The following WWOX variants were observed in gnomAD, a reference collection of about 807,000 sequenced individuals.
The protein encoded by WWOX is WW domain-containing oxidoreductase.
A neutral mutation model predicts 46.2 loss-of-function variants in WWOX; 69 were observed. That is an observed-to-expected ratio of 1.49 (90% CI 1.23 to 1.82). The LOEUF is 1.82. WWOX is among the 40% of genes most tolerant of loss of function. WWOX has a pLI of 0.00. For missense variants in WWOX, 919 were observed against 542.6 expected (o/e 1.69, Z -6.89); for synonymous variants, 359 against 202.6 (o/e 1.77, Z -6.56).
chr16:78,139,881 G>A (rs1052388130), intron 4 of WWOX, among the ~76,000 whole-genome samples: 1 of 152,154 alleles, frequency 6.6e-6, no homozygotes, highest in Non-Finnish European at 1.5e-5. Context: ...CTCAACTCCA[G>A]GCACTTTAGG....
At position 78,115,106 on chromosome 16, in the gene WWOX, G is replaced by T. The variant is rs2032711752; in HGVS notation, c.361G>T (p.Asp121Tyr). 1 of 1,614,172 alleles carries T rather than the reference G, an allele frequency of 6.2e-7. No individual in the cohort carries two copies. Among genetic ancestry groups the T allele is most frequent in the South Asian group, 1.1e-5 (1 of 91,084 alleles). Residue 121 changes from aspartate to tyrosine, a missense_variant, in exon 4 of 9, where the codon GAT becomes TAT. Transcript: ENST00000566780. ...TGCCATGGAAATTCTCCAGGGCCGG[G>T]ATTTCACTGGCAAAGTGGTTGTGGT... Reference protein sequence around the residue: ...TTAMEILQGRDFTGKVVVVTG... With the variant: ...TTAMEILQGRYFTGKVVVVTG...
chr16:79,152,661 C>T (rs2050303872), intron 8 of WWOX, among the ~76,000 whole-genome samples: 1 of 146,184 alleles, frequency 6.8e-6, no homozygotes, highest in African/African-American at 2.6e-5. Context: ...CAGAGTGAGT[C>T]TCCATCTCAA....
In WWOX at chr16:79,212,089, G is replaced by A. The variant is rs117863142; in HGVS notation, c.*293G>A. On this transcript the variant is annotated 3_prime_UTR_variant, in exon 9 of 9. Coordinates refer to ENST00000566780, the MANE Select transcript of WWOX (RefSeq NM_016373.4). The stretch of plus-strand genomic sequence containing the variant: ...TGTGTAGGTTCCGTATCTCCCTGGA[G>A]AAGCACCAGCAATTCTCTTTCTTTT... 0.02 allele frequency: 30,206 copies of A among 1,536,228 alleles called. 332 individuals are homozygous for A. The highest frequency in any genetic ancestry group is 0.022 in the Non-Finnish European group (25,793 of 1,146,898).
intron 8 of WWOX, among the ~76,000 whole-genome samples, chr16:78,870,566 C>G (rs1185584248): frequency 6.6e-6 from 1 of 151,900 alleles, no homozygotes; most frequent in Non-Finnish European, 1.5e-5. Context: ...CCTCTTCTCC[C>G]CTTGTCTCTC....
chr16:78,133,450 G>A (rs1429489777), intron 4 of WWOX, among the ~76,000 whole-genome samples: 3 of 152,086 alleles, frequency 2.0e-5, no homozygotes, highest in Non-Finnish European at 4.4e-5. Context: ...TATTAGAGAC[G>A]GGGTTTCACC....
intron 8 of WWOX, among the ~76,000 whole-genome samples, chr16:79,057,917 A>G (rs2048292364): frequency 6.6e-6 from 1 of 152,162 alleles, no homozygotes; most frequent in African/African-American, 2.4e-5. Context: ...TTAGAAATAC[A>G]GATACACCAT....
chr16:79,137,896 G>C (rs567002841), intron 8 of WWOX, among the ~76,000 whole-genome samples: 1 of 152,016 alleles, frequency 6.6e-6, no homozygotes, highest in South Asian at 2.1e-4. Context: ...AGGGGGTGGG[G>C]GACTCCAGAA....
chr16:78,824,118 C>A (rs1001328203), intron 8 of WWOX, among the ~76,000 whole-genome samples: 1 of 151,912 alleles, frequency 6.6e-6, no homozygotes, highest in Non-Finnish European at 1.5e-5. Flanking sequence ...TGATTGAAAC[C>A]TTGAAATAAA....
At chr16:79,164,857 A>T (rs1175455796) in intron 8 of WWOX, among the ~76,000 whole-genome samples, 2 of 152,172 alleles carry the variant, frequency 1.3e-5, no homozygotes, top group Non-Finnish European at 2.9e-5. Context: ...GAGACTCATA[A>T]AACCTACAAA....
chr16:78,975,186 G>C (rs2046546789), intron 8 of WWOX, among the ~76,000 whole-genome samples: 1 of 152,206 alleles, frequency 6.6e-6, no homozygotes, highest in Non-Finnish European at 1.5e-5. Context: ...ATGACTTAGT[G>C]AACACCTATA....
chr16:78,288,297 A>T (rs1485722126), intron 5 of WWOX, among the ~76,000 whole-genome samples: 1 of 147,720 alleles, frequency 6.8e-6, no homozygotes, highest in African/African-American at 2.5e-5. Flanking sequence ...TTAACAGCAC[A>T]TACATATATG....
At chr16:78,248,723 G>A (rs1303581938) in intron 5 of WWOX, among the ~76,000 whole-genome samples, 1 of 151,940 alleles carries the variant, frequency 6.6e-6, no homozygotes, top group East Asian at 1.9e-4. Context: ...GTAACAGAGC[G>A]AGACCCCATT....
rs11324333 is a variant in WWOX, at chr16:78,854,906, CTT to C, written c.1057-356686_1057-356685del. Among the ~76,000 whole-genome samples the C allele has an allele frequency of 8.1e-3, 1,149 of 141,264 alleles. 5 individuals carry two copies. Among genetic ancestry groups the C allele is most frequent in the African/African-American group, 0.012 (467 of 38,480 alleles). The allele number at this position is 141,264 out of a possible 152,430, so 92.7% of individuals were successfully genotyped here. On this transcript the variant is annotated intron_variant, in intron 8 of 8. Transcript: ENST00000566780. ...CTATTTGCTGATTTTTGAACAGCAG[CTT>C]TTTTTTTTTTTTTTTAACAAAACTT...
At chr16:79,103,222 C>T (rs2049238329) in intron 8 of WWOX, among the ~76,000 whole-genome samples, 1 of 152,124 alleles carries the variant, frequency 6.6e-6, no homozygotes. Flanking sequence ...GCAGTGTTGC[C>T]GAAGCAGCTG....
At chr16:78,292,964 C>T (rs561029045) in intron 5 of WWOX, among the ~76,000 whole-genome samples, 6 of 152,206 alleles carry the variant, frequency 3.9e-5, no homozygotes, top group Non-Finnish European at 8.8e-5. Context: ...CTCCCCTCCC[C>T]ACCCTTGTTG....
At chr16:78,761,382 C>G (rs537364322) in intron 8 of WWOX, among the ~76,000 whole-genome samples, 2 of 152,108 alleles carry the variant, frequency 1.3e-5, no homozygotes, top group South Asian at 4.2e-4. Context: ...AACTCTTTAG[C>G]ATTTACATTT....
At chr16:78,387,056 C>A (rs1340456578) in intron 6 of WWOX, 108 bp downstream of exon 6, 1 of 1,146,746 alleles carries the variant, frequency 8.7e-7, no homozygotes, top group Non-Finnish European at 1.3e-6. Context: ...GTCTTGGCGT[C>A]CAAACAGGAG....
chr16:78,349,936 C>T (rs9921673), intron 5 of WWOX, among the ~76,000 whole-genome samples: 65,634 of 119,670 alleles, frequency 0.55, 26,500 homozygotes, highest in African/African-American at 0.69. Context: ...TGGAAGTGTT[C>T]TCTCTTCTAT....
At chr16:78,769,814 G>T (rs1172888891) in intron 8 of WWOX, among the ~76,000 whole-genome samples, 1 of 150,888 alleles carries the variant, frequency 6.6e-6, no homozygotes, top group East Asian at 2.0e-4. Context: ...CGAGATCAGT[G>T]TGGACAACAT....
Sources: allele counts gnomAD v4.1 joint callset (sites outside exome capture counted in the v4.1 genomes callset), GRCh38; gene constraint gnomAD v4.1.1; transcripts MANE v1.5; gene names NCBI Gene and HGNC (gene_info 2026-07-23, HGNC 2026-07-21).